NEBL: variants seen among roughly 807,000 people sequenced by gnomAD.
The protein encoded by NEBL is LIM and SH3 protein 2.
A neutral mutation model predicts 140.2 loss-of-function variants in NEBL; 122 were observed. That is an observed-to-expected ratio of 0.87 (90% CI 0.75 to 1.01). The LOEUF is 1.01. NEBL is among the 50% of genes least tolerant of loss of function. The probability of loss-of-function intolerance (pLI) is 0.00; values close to 1 mark genes in which losing one functional copy is unlikely to be tolerated. For synonymous variants in NEBL, 436 were observed against 398.9 expected (o/e 1.09, Z -1.11); for missense variants, 1,365 against 1,231.3 (o/e 1.11, Z -1.62).
intron 2 of NEBL, among the ~76,000 whole-genome samples, chr10:21,108,165 G>T (rs921344165): frequency 2.0e-5 from 3 of 152,034 alleles, no homozygotes; most frequent in African/African-American, 4.8e-5. Context: ...ATCTCCTTCA[G>T]TTCTGCTCTG....
chr10:20,932,419 C>T, intron 4 of NEBL, among the ~76,000 whole-genome samples: 1 of 149,874 alleles, frequency 6.7e-6, no homozygotes, highest in Non-Finnish European at 1.5e-5. Flanking sequence ...GGGCCTGGGG[C>T]TGGGGGGTGG....
At chr10:21,042,177 C>T (rs1207415317) in intron 2 of NEBL, among the ~76,000 whole-genome samples, 2 of 152,194 alleles carry the variant, frequency 1.3e-5, no homozygotes, top group African/African-American at 2.4e-5. Context: ...GGTACTCCTC[C>T]AAGGACTCTG....
rs529034019 is a variant in NEBL at position 20,889,695 on chromosome 10, G to A, written c.258+150C>T. The A allele has an allele frequency of 1.1e-4, 71 of 654,866 alleles. 1 individual carries two copies. In the South Asian group the frequency reaches 1.2e-3, roughly 11 times the overall value. 40.6% of individuals were successfully genotyped at this position (654,866 alleles called of 1,614,324 possible). A position where few individuals can be genotyped will look rare whatever the true frequency, so the allele number is the denominator to read the frequency against. ...GTCAATCTATATGAGTTAAATGACA[G>A]CGCATCACATTAGATAATTATGTAG... On this transcript the variant is annotated intron_variant, in intron 3 of 27. Coordinates refer to ENST00000377122, the MANE Select transcript of NEBL (RefSeq NM_006393.3).
chr10:20,914,753 A>T (rs577074303), intron 4 of NEBL, among the ~76,000 whole-genome samples: 105 of 152,334 alleles, frequency 6.9e-4, no homozygotes, highest in African/African-American at 2.5e-3. Context: ...GAGTAAAAAC[A>T]ATAGAAATGG....
rs754000768 is a variant in NEBL, at chr10:20,835,505, C to G, written c.1449+8G>C. 1.3e-6 allele frequency: 2 copies of G among 1,597,374 alleles called. No individual in the cohort carries two copies. Among genetic ancestry groups the G allele is most frequent in the African/African-American group, 1.3e-5 (1 of 74,578 alleles). On this transcript the variant is annotated splice_region_variant and intron_variant, in intron 14 of 27. Coordinates refer to ENST00000377122, the MANE Select transcript of NEBL (RefSeq NM_006393.3). Reference sequence around the variant, plus strand: ...AGTCTTAAGGCCTGCATCACGCACCCTACTAACCTCACTCGCTATCTCTGC... The same window carrying G: ...AGTCTTAAGGCCTGCATCACGCACCGTACTAACCTCACTCGCTATCTCTGC...
upstream of NEBL, among the ~76,000 whole-genome samples, chr10:20,900,100 G>A (rs1310798192): frequency 1.3e-5 from 2 of 152,168 alleles, no homozygotes; most frequent in Non-Finnish European, 2.9e-5. Context: ...CAAGCTTAAT[G>A]TATTTTAATA....
At chr10:21,263,820 C>G (rs748150114) in intron 1 of NEBL, among the ~76,000 whole-genome samples, 1 of 152,090 alleles carries the variant, frequency 6.6e-6, no homozygotes, top group Non-Finnish European at 1.5e-5. Context: ...CAAAAATTAG[C>G]CGGGCGTGGT....
At chr10:20,857,324 A>G (rs2131121542) in intron 9 of NEBL, among the ~76,000 whole-genome samples, 1 of 152,274 alleles carries the variant, frequency 6.6e-6, no homozygotes, top group South Asian at 2.1e-4. Context: ...CTGGAAACTA[A>G]GTTTTGCCTA....
chr10:21,189,150 G>C (rs1841529382), intron 3 of NEBL, among the ~76,000 whole-genome samples: 1 of 152,064 alleles, frequency 6.6e-6, no homozygotes, highest in African/African-American at 2.4e-5. Context: ...ATTTAATTAA[G>C]TATCTTGGGG....
intron 3 of NEBL, among the ~76,000 whole-genome samples, chr10:21,007,887 C>T (rs1215045445): frequency 1.3e-5 from 2 of 152,184 alleles, no homozygotes; most frequent in Non-Finnish European, 2.9e-5. Flanking sequence ...CAGTTTTTCA[C>T]ATTCGCTATT....
intron 3 of NEBL, among the ~76,000 whole-genome samples, chr10:21,245,743 C>G (rs184782549): frequency 5.6e-4 from 85 of 151,912 alleles, no homozygotes; most frequent in African/African-American, 2.0e-3. Flanking sequence ...TGCTCTGTTG[C>G]CCAGGCTGGA....
At chr10:20,980,191 A>G (rs1836977093) in intron 3 of NEBL, among the ~76,000 whole-genome samples, 1 of 152,164 alleles carries the variant, frequency 6.6e-6, no homozygotes, top group Non-Finnish European at 1.5e-5. Context: ...ATACAGAAGT[A>G]TACAGTGTTG....
chr10:21,095,334 T>G lies in NEBL; in HGVS notation c.165-75133A>C, dbSNP rs61851466. 2.6e-5 allele frequency among the ~76,000 whole-genome samples: 4 copies of G among 151,660 alleles called. No individual in the cohort carries two copies. The East Asian group carries it at 7.8e-4, about 30-fold the overall frequency. ...GAAATTCTAGCCTAAGAAAAGCAGATAAAAGATAAGACGAACATGGTCAGA... is the reference window on the plus strand; with the variant it reads ...GAAATTCTAGCCTAAGAAAAGCAGAGAAAAGATAAGACGAACATGGTCAGA... On this transcript the variant is annotated intron_variant, in intron 2 of 6. Transcript: ENST00000417816.
chr10:20,856,367 C>T (rs1288797661), intron 9 of NEBL, among the ~76,000 whole-genome samples: 1 of 152,098 alleles, frequency 6.6e-6, no homozygotes, highest in Non-Finnish European at 1.5e-5. Flanking sequence ...CGCTTTCTTC[C>T]AGCCACCAAA....
intron 14 of NEBL, among the ~76,000 whole-genome samples, chr10:20,834,032 G>A (rs1840661563): frequency 1.3e-5 from 2 of 152,228 alleles, no homozygotes; most frequent in South Asian, 2.1e-4. Context: ...GGCCTGTAAC[G>A]TTGAGATCCC....
chr10:21,184,022 G>T (rs981178167), intron 3 of NEBL, among the ~76,000 whole-genome samples: 1 of 152,090 alleles, frequency 6.6e-6, no homozygotes, highest in Admixed American at 6.6e-5. Context: ...CCTGCCACTT[G>T]GAACTGTGAA....
intron 1 of NEBL, among the ~76,000 whole-genome samples, chr10:21,252,039 C>A (rs578002100): frequency 6.6e-6 from 1 of 152,190 alleles, no homozygotes; most frequent in East Asian, 1.9e-4. Flanking sequence ...CCCCGCCCTC[C>A]GCTTCTCTTC....
chr10:21,029,630 A>G (rs1833693808), intron 2 of NEBL: 1 of 1,442,060 alleles, frequency 6.9e-7, no homozygotes, highest in Non-Finnish European at 9.7e-7. Context: ...TTTGATGACT[A>G]CCCGCCTAGA....
intron 3 of NEBL, among the ~76,000 whole-genome samples, chr10:21,215,981 G>C (rs369418705): frequency 1.3e-5 from 2 of 152,236 alleles, no homozygotes; most frequent in East Asian, 3.9e-4. Flanking sequence ...TCCCAAACTA[G>C]TTTCCAGCTC....
Sources: allele counts gnomAD v4.1 joint callset (sites outside exome capture counted in the v4.1 genomes callset), GRCh38; gene constraint gnomAD v4.1.1; transcripts MANE v1.5; gene names NCBI Gene and HGNC (gene_info 2026-07-23, HGNC 2026-07-21).